SAMTOR: variants seen among roughly 807,000 people sequenced by gnomAD.
SAMTOR encodes the protein S-adenosylmethionine sensor upstream of mTORC1.
the SAMTOR span, among the ~76,000 whole-genome samples, chr7:112,898,544 C>A: frequency 6.6e-6 from 1 of 152,212 alleles, no homozygotes; most frequent in Non-Finnish European, 1.5e-5. Context: ...TCTAGACCCA[C>A]CCTGGGACAG....
chr7:112,911,706 T>C, the SAMTOR span, among the ~76,000 whole-genome samples: 4 of 151,654 alleles, frequency 2.6e-5, no homozygotes, highest in African/African-American at 4.8e-5. Context: ...AACAGAGAAC[T>C]TCAACAGAAA....
the SAMTOR span, among the ~76,000 whole-genome samples, chr7:112,898,020 A>G: frequency 6.6e-6 from 1 of 152,176 alleles, no homozygotes; most frequent in African/African-American, 2.4e-5. Flanking sequence ...TGAAATAACT[A>G]CGGGACTTTG....
chr7:112,828,021 A>G, the SAMTOR span, among the ~76,000 whole-genome samples: 1 of 152,084 alleles, frequency 6.6e-6, no homozygotes, highest in African/African-American at 2.4e-5. Flanking sequence ...CCTGCCGCAA[A>G]TATTTTTGAT....
At chr7:112,875,331 T>C in the SAMTOR span, among the ~76,000 whole-genome samples, 1 of 152,138 alleles carries the variant, frequency 6.6e-6, no homozygotes. Context: ...TTGAGGCTAC[T>C]TGGTACTGTC....
the SAMTOR span, among the ~76,000 whole-genome samples, chr7:112,938,411 CA>C: frequency 6.6e-6 from 1 of 152,150 alleles, no homozygotes; most frequent in African/African-American, 2.4e-5. Flanking sequence ...TGAAACATAT[CA>C]ACTACATTCA....
At chr7:112,922,258 C>A in the SAMTOR span, among the ~76,000 whole-genome samples, 1 of 152,222 alleles carries the variant, frequency 6.6e-6, no homozygotes, top group Non-Finnish European at 1.5e-5. Context: ...TCACTCAGTG[C>A]TCAATGGTGC....
the SAMTOR span, among the ~76,000 whole-genome samples, chr7:112,925,971 G>T: frequency 6.6e-6 from 1 of 152,224 alleles, no homozygotes; most frequent in African/African-American, 2.4e-5. Context: ...AAAGCATACC[G>T]AATGTGTCCA....
At chr7:112,933,063 A>G in the SAMTOR span, among the ~76,000 whole-genome samples, 8 of 152,344 alleles carry the variant, frequency 5.3e-5, no homozygotes, top group South Asian at 8.3e-4. Context: ...CCCAGGAGCC[A>G]TCCAATCCTT....
chr7:112,877,032 T>C, the SAMTOR span, among the ~76,000 whole-genome samples: 1 of 152,224 alleles, frequency 6.6e-6, no homozygotes, highest in African/African-American at 2.4e-5. Flanking sequence ...CTCTTGCTAG[T>C]TGCATTCATG....
the SAMTOR span, among the ~76,000 whole-genome samples, chr7:112,839,649 T>C: frequency 0.011 from 1,618 of 151,930 alleles, 30 homozygotes; most frequent in African/African-American, 0.037. Flanking sequence ...CCAAGAGATA[T>C]TTAACTAGAT....
chr7:112,888,461 GAC>G, the SAMTOR span, among the ~76,000 whole-genome samples: 1 of 152,142 alleles, frequency 6.6e-6, no homozygotes, highest in South Asian at 2.1e-4. Context: ...AGGAGAGGTA[GAC>G]ACACAGCTTT....
the SAMTOR span, among the ~76,000 whole-genome samples, chr7:112,901,507 C>A: frequency 1.3e-5 from 2 of 152,118 alleles, no homozygotes; most frequent in African/African-American, 4.8e-5. Context: ...ACAATTATTT[C>A]ATTATATATT....
chr7:112,853,662 GCT>G, the SAMTOR span, among the ~76,000 whole-genome samples: 3 of 152,178 alleles, frequency 2.0e-5, no homozygotes, highest in African/African-American at 7.2e-5. Context: ...TTTTCAAAGT[GCT>G]CTCTACAGAG....
the SAMTOR span, among the ~76,000 whole-genome samples, chr7:112,829,171 TTC>T: frequency 2.0e-5 from 3 of 152,192 alleles, no homozygotes; most frequent in Admixed American, 6.6e-5. Flanking sequence ...TTAAAAAATT[TTC>T]TGTTTCATTT....
At chr7:112,871,512 A>T in the SAMTOR span, among the ~76,000 whole-genome samples, 1 of 152,234 alleles carries the variant, frequency 6.6e-6, no homozygotes, top group Non-Finnish European at 1.5e-5. Context: ...TCTACAATGC[A>T]GCAAAAGCAG....
the SAMTOR span, among the ~76,000 whole-genome samples, chr7:112,863,990 G>A: frequency 3.7e-3 from 563 of 152,252 alleles, 3 homozygotes; most frequent in Middle Eastern, 0.02. Context: ...CAAAGACATG[G>A]AATCAACCTA....
chr7:112,905,562 A>AC, the SAMTOR span, among the ~76,000 whole-genome samples: 1 of 152,192 alleles, frequency 6.6e-6, no homozygotes, highest in African/African-American at 2.4e-5. Flanking sequence ...AATTTTAACA[A>AC]ACAGAATTAA....
the SAMTOR span, among the ~76,000 whole-genome samples, chr7:112,888,919 T>C: frequency 1.3e-5 from 2 of 152,174 alleles, no homozygotes; most frequent in African/African-American, 2.4e-5. Flanking sequence ...TTTGGGAAAC[T>C]GGAGTATTAT....
the SAMTOR span, among the ~76,000 whole-genome samples, chr7:112,904,925 CAG>C: frequency 6.6e-6 from 1 of 152,100 alleles, no homozygotes; most frequent in South Asian, 2.1e-4. Flanking sequence ...CTTATACATC[CAG>C]AGAGAGACTG....
Sources: allele counts gnomAD v4.1 joint callset (sites outside exome capture counted in the v4.1 genomes callset), GRCh38; gene constraint gnomAD v4.1.1; transcripts MANE v1.5; gene names NCBI Gene and HGNC (gene_info 2026-07-23, HGNC 2026-07-21).